Variants in INTS7 observed in about 807,000 individuals in gnomAD.
The protein encoded by INTS7 is chromosome 1 open reading frame 73.
INTS7 carries 46 observed loss-of-function variants against 109.2 expected under a neutral mutation model. That is an observed-to-expected ratio of 0.42 (90% CI 0.33 to 0.54). INTS7 has a LOEUF of 0.54. Ranked by LOEUF, INTS7 falls within the 20% of genes least tolerant of loss-of-function variation. The pLI is 0.07. For synonymous variants in INTS7, 412 were observed against 402.9 expected, an observed-to-expected ratio of 1.02 and a Z score of -0.27; for missense variants, 929 against 1,132.4, an observed-to-expected ratio of 0.82 and a Z score of 2.58.
chr1:212,014,832 C>T (rs1405109503), intron 4 of INTS7, among the ~76,000 whole-genome samples: 1 of 152,212 alleles, frequency 6.6e-6, no homozygotes, highest in Non-Finnish European at 1.5e-5. Context: ...GACGGAGTCT[C>T]GCTCACTCAG....
At chr1:212,010,496 CTAA>C (rs1326801684) in intron 5 of INTS7, among the ~76,000 whole-genome samples, 6 of 152,084 alleles carry the variant, frequency 3.9e-5, no homozygotes, top group South Asian at 2.1e-4. Flanking sequence ...TCCAGAGCTC[CTAA>C]TAATATTAGC....
intron 17 of INTS7, among the ~76,000 whole-genome samples, chr1:211,948,136 G>A (rs1327555990): frequency 6.6e-6 from 1 of 152,144 alleles, no homozygotes; most frequent in East Asian, 1.9e-4. Context: ...CAAGCAGAGT[G>A]TCACCTAGTT....
intron 1 of INTS7, among the ~76,000 whole-genome samples, chr1:212,029,814 G>A (rs190613168): frequency 5.9e-5 from 9 of 152,314 alleles, no homozygotes; most frequent in South Asian, 4.1e-4. Flanking sequence ...TAAAAGGTGT[G>A]TGGGGGGACA....
chr1:211,990,780 T>C lies in INTS7; in HGVS notation c.880-2777A>G, dbSNP rs956781420. Among the ~76,000 whole-genome samples the C allele has an allele frequency of 4.6e-5, 7 of 152,194 alleles. No homozygotes were observed. In the East Asian group the frequency reaches 1.4e-3, roughly 29 times the overall value. On this transcript the variant is annotated intron_variant, in intron 7 of 19. Transcript: ENST00000366994. ...GAGATATGTTCAAAAGGATAGAGGCTAAGTAAGATGGGGGGGATTAGGCCA... is the reference window on the plus strand; with the variant it reads ...GAGATATGTTCAAAAGGATAGAGGCCAAGTAAGATGGGGGGGATTAGGCCA...
chr1:211,998,310 C>T (rs1665503426), intron 7 of INTS7, among the ~76,000 whole-genome samples: 1 of 152,188 alleles, frequency 6.6e-6, no homozygotes, highest in Admixed American at 6.5e-5. Flanking sequence ...AGGGGACTCA[C>T]ACTATCTGAT....
In INTS7 at chr1:212,013,898, A is replaced by G. The variant is rs565078076; in HGVS notation, c.510-2477T>C. 3.3e-5 allele frequency among the ~76,000 whole-genome samples: 5 copies of G among 152,284 alleles called. No homozygotes were observed. The South Asian group carries it at 1.0e-3, about 32-fold the overall frequency. Reference sequence around the variant, plus strand: ...TCTACAATGTTTGCACAATGATGAAATTTCCTAACAATGCATTTCTCAGAA... The same window carrying G: ...TCTACAATGTTTGCACAATGATGAAGTTTCCTAACAATGCATTTCTCAGAA... On this transcript the variant is annotated intron_variant, in intron 4 of 19. Transcript: ENST00000366994.
At chr1:211,993,658 T>C (rs3009997) in intron 7 of INTS7, among the ~76,000 whole-genome samples, 12,579 of 134,432 alleles carry the variant, frequency 0.094, 792 homozygotes, top group African/African-American at 0.2. Flanking sequence ...CCAGCCTGGG[T>C]GACAGGGTGA....
At chr1:211,970,029 AT>A (rs1011545856) in intron 13 of INTS7, among the ~76,000 whole-genome samples, 11 of 151,370 alleles carry the variant, frequency 7.3e-5, no homozygotes, top group African/African-American at 2.7e-4. Context: ...TGCCCAGCTA[AT>A]TTTTTTTTGT....
chr1:211,959,506 T>C lies in INTS7; in HGVS notation c.2184-6805A>G, dbSNP rs1344873139. Among the ~76,000 whole-genome samples the C allele has an allele frequency of 6.6e-6, 1 of 152,144 alleles. No individual in the cohort carries two copies. Among genetic ancestry groups the C allele is most frequent in the Non-Finnish European group, 1.5e-5 (1 of 68,008 alleles). On this transcript the variant is annotated intron_variant, in intron 16 of 19. Coordinates refer to ENST00000366994, the MANE Select transcript of INTS7 (RefSeq NM_015434.4). The surrounding 1 kb of genome is among the most constrained non-coding windows in gnomAD (Gnocchi z 4.2). The stretch of plus-strand genomic sequence containing the variant: ...CGGCTCACCTGCTCCCTCCCCGTAC[T>C]GGCAGCTTTCCCTGGGCCCATGGCC...
At chr1:211,949,065 C>A (rs1662972942) in intron 17 of INTS7, among the ~76,000 whole-genome samples, 2 of 152,234 alleles carry the variant, frequency 1.3e-5, no homozygotes, top group Admixed American at 6.5e-5. Context: ...TCTGACATTT[C>A]TGTGGCACCT....
At chr1:211,962,532 T>C (rs1663683898) in intron 16 of INTS7, among the ~76,000 whole-genome samples, 2 of 152,150 alleles carry the variant, frequency 1.3e-5, no homozygotes, top group South Asian at 2.1e-4. Context: ...ATGGACCTGA[T>C]AGACATCTAC....
At chr1:211,997,269 G>A (rs560771168) in intron 7 of INTS7, among the ~76,000 whole-genome samples, 1 of 152,040 alleles carries the variant, frequency 6.6e-6, no homozygotes, top group South Asian at 2.1e-4. Context: ...GATAGGCCAG[G>A]TGCAGTGGCT....
At chr1:212,012,884 C>CAAATTTAGAAACTAAATTTAGAAACT (rs146006273) in intron 4 of INTS7, among the ~76,000 whole-genome samples, 5 of 152,054 alleles carry the variant, frequency 3.3e-5, no homozygotes, top group Non-Finnish European at 5.9e-5. Flanking sequence ...ATTTATCATC[C>CAAATTTAGAAACTAAATTTAGAAACT]AAATTTAGAA....
chr1:211,987,865 T>C (rs746253938), intron 8 of INTS7, 21 bp downstream of exon 8: 4 of 1,283,118 alleles, frequency 3.1e-6, no homozygotes, highest in Non-Finnish European at 4.5e-6. Flanking sequence ...ATTTATATGG[T>C]ATCTCCTGTC....
chr1:212,026,577 A>AAAGG (rs55950244), intron 1 of INTS7, among the ~76,000 whole-genome samples: 82,660 of 151,510 alleles, frequency 0.55, 22,824 homozygotes, highest in Non-Finnish European at 0.59. Context: ...ATGTAGCCTT[A>AAAGG]CTTTTCTAAA....
chr1:211,955,643 G>A (rs17018284), intron 16 of INTS7, among the ~76,000 whole-genome samples: 3,930 of 152,292 alleles, frequency 0.026, 57 homozygotes, highest in African/African-American at 0.045. Context: ...AGACTACTCT[G>A]ATTATTCCCT....
intron 4 of INTS7, among the ~76,000 whole-genome samples, chr1:212,016,247 A>G (rs1397558386): frequency 2.0e-5 from 3 of 152,226 alleles, no homozygotes; most frequent in South Asian, 4.1e-4. Flanking sequence ...AAAGGGATGT[A>G]CTTGTTTAAG....
chr1:212,024,112 T>A (rs1488409251), intron 1 of INTS7, among the ~76,000 whole-genome samples: 2 of 152,236 alleles, frequency 1.3e-5, no homozygotes, highest in Non-Finnish European at 2.9e-5. Context: ...TACTGTGGCC[T>A]TACAAAATAG....
chr1:212,020,356 AAC>A (rs1050332012), intron 2 of INTS7, 88 bp from the exon 3 acceptor site: 21 of 772,912 alleles, frequency 2.7e-5, no homozygotes, highest in African/African-American at 2.3e-4. Flanking sequence ...AAATTTTAGC[AAC>A]ACACAAATAT....
Sources: gnomAD v4.1 joint callset for allele counts (sites outside exome capture counted in the v4.1 genomes callset) on GRCh38, gnomAD v4.1.1 for gene constraint, Gnocchi (gnomAD v3.1) non-coding constraint, MANE v1.5 for transcripts, NCBI Gene and HGNC (gene_info 2026-07-23, HGNC 2026-07-21) for gene names.